Variants in KCNH5 observed in about 807,000 individuals in gnomAD.
KCNH5 encodes voltage-gated delayed rectifier potassium channel KCNH5.
A neutral mutation model predicts 96.1 loss-of-function variants in KCNH5; 46 were observed. The ratio of observed to expected loss-of-function variants is 0.48; its 90% CI spans 0.38 to 0.61. KCNH5 has a LOEUF of 0.61. KCNH5 is among the 20% of genes least tolerant of loss of function. The pLI is 0.00. For missense variants in KCNH5, 907 were observed against 1,225.8 expected, an observed-to-expected ratio of 0.74 and a Z score of 3.88; for synonymous variants, 439 against 449.8, an observed-to-expected ratio of 0.98 and a Z score of 0.30.
intron 4 of KCNH5, among the ~76,000 whole-genome samples, chr14:62,990,749 G>T (rs1242588570): frequency 1.3e-5 from 2 of 151,974 alleles, no homozygotes; most frequent in African/African-American, 4.8e-5. Flanking sequence ...ATAAAGAACT[G>T]CCTGAGACTG....
At chr14:63,000,634 T>C (rs866985348) in intron 4 of KCNH5, among the ~76,000 whole-genome samples, 3 of 152,216 alleles carry the variant, frequency 2.0e-5, no homozygotes, top group African/African-American at 7.2e-5. Context: ...AAGTCAACTA[T>C]TACAATTGTA....
At chr14:63,019,197 G>A (rs1305095129) in intron 1 of KCNH5, among the ~76,000 whole-genome samples, 3 of 151,972 alleles carry the variant, frequency 2.0e-5, no homozygotes, top group Non-Finnish European at 4.4e-5. Context: ...AACCACAAGA[G>A]AGATAAACAT....
Position 62,757,611 on chromosome 14 carries a change from CA to C in KCNH5, c.2019+22116del, listed in dbSNP as rs533610629. ...TACACACAATGTAGTACTATTCAGC[CA>C]AAAAAAAAAAAACCAAAAGAATGAG... On this transcript the variant is annotated intron_variant, in intron 10 of 10. Transcript: ENST00000322893. Among the ~76,000 whole-genome samples, 173 of 119,098 alleles carry C rather than the reference CA, an allele frequency of 1.5e-3. 1 individual carries two copies. The highest frequency in any genetic ancestry group is 2.5e-3 in the African/African-American group (76 of 30,660). 78.1% of individuals were successfully genotyped at this position (119,098 alleles called of 152,430 possible). A position where few individuals can be genotyped will look rare whatever the true frequency, so the allele number is the denominator to read the frequency against.
At chr14:62,944,287 G>C (rs1889844488) in intron 7 of KCNH5, among the ~76,000 whole-genome samples, 1 of 152,108 alleles carries the variant, frequency 6.6e-6, no homozygotes, top group African/African-American at 2.4e-5. Flanking sequence ...TCTATCATTT[G>C]CAAGTAGTGA....
chr14:62,825,716 TTTC>T (rs896381247), intron 8 of KCNH5, among the ~76,000 whole-genome samples: 1 of 152,118 alleles, frequency 6.6e-6, no homozygotes, highest in African/African-American at 2.4e-5. Flanking sequence ...TTTCTCTTTC[TTTC>T]TTCATTCATT....
At chr14:62,891,899 T>C (rs964725163) in intron 7 of KCNH5, among the ~76,000 whole-genome samples, 4 of 152,228 alleles carry the variant, frequency 2.6e-5, no homozygotes, top group African/African-American at 9.6e-5. Flanking sequence ...ATAAATGTTT[T>C]GTGTTTTGAA....
chr14:62,857,773 T>C (rs184267952), intron 7 of KCNH5, among the ~76,000 whole-genome samples: 2 of 152,292 alleles, frequency 1.3e-5, no homozygotes, highest in East Asian at 3.9e-4. Context: ...GACTCAAATG[T>C]TAAACTCCTT....
rs148136208 is a variant in KCNH5 at position 62,831,016 on chromosome 14, C to G, written c.1569+18637G>C. On this transcript the variant is annotated intron_variant, in intron 8 of 10. Transcript: ENST00000322893. ...AAGTGTGGCCTTCCCAAAACTGTTT[C>G]CTCTTACCCATGCATTTTCTAAGCC... Among the ~76,000 whole-genome samples the G allele has an allele frequency of 9.9e-4, 150 of 152,210 alleles. 1 individual carries two copies. The highest frequency in any genetic ancestry group is 2.0e-3 in the Admixed American group (31 of 15,284).
chr14:62,707,440 T>C lies in KCNH5; in HGVS notation c.*68A>G, dbSNP rs1297268026. 7 of 726,058 alleles carry C rather than the reference T, an allele frequency of 9.6e-6. No homozygotes were observed. Among genetic ancestry groups the C allele is most frequent in the Non-Finnish European group, 1.2e-5 (6 of 511,060 alleles). The allele number at this position is 726,058 out of a possible 1,614,324, so 45.0% of individuals were successfully genotyped here. On this transcript the variant is annotated 3_prime_UTR_variant, in exon 11 of 11. Transcript: ENST00000322893. ...GAAAGCAAGTGAAAATATATATATG[T>C]ATATACTGTATATACACACATATGT...
chr14:62,964,484 C>T (rs978536430), intron 6 of KCNH5, among the ~76,000 whole-genome samples: 3 of 152,084 alleles, frequency 2.0e-5, no homozygotes, highest in Non-Finnish European at 4.4e-5. Context: ...CAGACACACA[C>T]ACACACACAA....
intron 8 of KCNH5, among the ~76,000 whole-genome samples, chr14:62,836,190 A>G (rs1887463933): frequency 6.6e-6 from 1 of 152,118 alleles, no homozygotes; most frequent in Non-Finnish European, 1.5e-5. Context: ...TGCTTAAGGA[A>G]TTTCAGAAAA....
At chr14:62,893,971 A>T (rs570526481) in intron 7 of KCNH5, among the ~76,000 whole-genome samples, 17 of 152,342 alleles carry the variant, frequency 1.1e-4, no homozygotes, top group African/African-American at 4.1e-4. Flanking sequence ...GTCAGCAGCT[A>T]TCTACGTATG....
At chr14:62,808,892 A>G (rs1886821089) in intron 8 of KCNH5, among the ~76,000 whole-genome samples, 2 of 152,128 alleles carry the variant, frequency 1.3e-5, no homozygotes, top group South Asian at 2.1e-4. Flanking sequence ...GTAATAAACT[A>G]TAGAACTCTA....
chr14:62,759,650 C>A (rs1885705241), intron 10 of KCNH5, among the ~76,000 whole-genome samples: 1 of 151,064 alleles, frequency 6.6e-6, no homozygotes, highest in Non-Finnish European at 1.5e-5. Context: ...TTTTTACAGT[C>A]CTTTCTTTCT....
intron 6 of KCNH5, among the ~76,000 whole-genome samples, chr14:62,966,483 A>C (rs187651233): frequency 3.3e-5 from 5 of 152,290 alleles, no homozygotes; most frequent in Admixed American, 1.3e-4. Context: ...ATCTTGACTT[A>C]AAAGCCTTGA....
At position 62,802,569 on chromosome 14, in the gene KCNH5, A is replaced by T. The variant is rs1886685870; in HGVS notation, c.1582T>A (p.Cys528Ser). The change falls in exon 9 of 11, where the codon TGT (cysteine) becomes AGT (serine). Residue 528 changes from cysteine to serine, a missense_variant. Physicochemically the swap from Cys to Ser is moderately radical, Grantham distance 112. Around this residue, in one of 6 missense-constraint regions of KCNH5, gnomAD observed 95 missense variants for 111.8 expected, o/e 0.85. Transcript: ENST00000322893. ...GIDTEKVLSI[C>S]PKDMRADICV... ...ATATCAGCTCTCATGTCCTTGGGAC[A>T]GATGGAGAGGACCTAAAGAAGGTGA... The T allele has an allele frequency of 1.2e-6, 2 of 1,613,892 alleles. No individual in the cohort carries two copies. The highest frequency in any genetic ancestry group is 1.7e-6 in the Non-Finnish European group (2 of 1,179,796).
intron 8 of KCNH5, among the ~76,000 whole-genome samples, chr14:62,837,114 G>T (rs558754189): frequency 5.5e-4 from 83 of 152,282 alleles, no homozygotes; most frequent in Non-Finnish European, 9.1e-4. Flanking sequence ...CTAAATGTGT[G>T]TTCCCTTACC....
At chr14:62,742,392 A>G (rs1212412308) in intron 10 of KCNH5, among the ~76,000 whole-genome samples, 1 of 152,244 alleles carries the variant, frequency 6.6e-6, no homozygotes, top group African/African-American at 2.4e-5. Context: ...GATTGATTCT[A>G]TGTCGATACC....
chr14:62,840,544 GTTTTTCT>G lies in KCNH5; in HGVS notation c.1569+9102_1569+9108del, dbSNP rs1342853696. 1.2e-3 allele frequency among the ~76,000 whole-genome samples: 125 copies of G among 105,428 alleles called. 2 individuals carry two copies. Among genetic ancestry groups the G allele is most frequent in the Admixed American group, 1.1e-3 (11 of 10,032 alleles). 69.2% of individuals were successfully genotyped at this position (105,428 alleles called of 152,430 possible). ...TCTGTTTTTTGTTTTGTTTTGTTTT[GTTTTTCT>G]TTTTTCTTTTTTTTCTTTTTTTTTT... is the stretch of plus-strand genomic sequence containing the variant. On this transcript the variant is annotated intron_variant, in intron 8 of 10. Transcript: ENST00000322893.
Sources: gnomAD v4.1 joint callset for allele counts (sites outside exome capture counted in the v4.1 genomes callset) on GRCh38, gnomAD v4.1.1 for gene constraint, gnomAD v4.1.1 regional missense constraint, MANE v1.5 for transcripts, NCBI Gene and HGNC (gene_info 2026-07-23, HGNC 2026-07-21) for gene names.